Variants in MSRA observed in about 807,000 individuals in gnomAD.
MSRA encodes the protein mitochondrial peptide methionine sulfoxide reductase.
In MSRA, 54 loss-of-function variants were observed where a neutral mutation model predicts 31.3. The observed-to-expected ratio is 1.73, with a 90% confidence interval of 1.39 to 2.17. The LOEUF is 2.17. Ranked by LOEUF, MSRA falls within the 30% of genes most tolerant of loss-of-function variation. MSRA has a pLI of 0.00. For missense variants in MSRA, 507 were observed against 300.9 expected (o/e 1.69, Z -5.07); for synonymous variants, 169 against 116.5 (o/e 1.45, Z -2.90).
intron 1 of MSRA, among the ~76,000 whole-genome samples, chr8:10,153,014 A>G (rs1442410566): frequency 6.6e-6 from 1 of 152,168 alleles, no homozygotes; most frequent in East Asian, 1.9e-4. Flanking sequence ...AGAAGAGGGG[A>G]TGAAGAGCTG....
At chr8:10,313,391 G>T (rs1166711012) in intron 4 of MSRA, among the ~76,000 whole-genome samples, 3 of 151,468 alleles carry the variant, frequency 2.0e-5, no homozygotes, top group Admixed American at 6.6e-5. Flanking sequence ...CTTCTATTAT[G>T]TCCACCCACT....
chr8:10,299,309 C>A (rs1173323085), intron 3 of MSRA, among the ~76,000 whole-genome samples: 1 of 151,956 alleles, frequency 6.6e-6, no homozygotes, highest in African/African-American at 2.4e-5. Context: ...AACATATTAC[C>A]ATTTTTAATA....
At chr8:10,367,373 A>G (rs900960980) in intron 5 of MSRA, among the ~76,000 whole-genome samples, 3 of 152,254 alleles carry the variant, frequency 2.0e-5, no homozygotes, top group Non-Finnish European at 1.5e-5. Context: ...ATTTATAAAT[A>G]AAACTTTAAC....
chr8:10,400,670 C>T (rs922584384), intron 5 of MSRA, among the ~76,000 whole-genome samples: 3 of 152,066 alleles, frequency 2.0e-5, no homozygotes, highest in African/African-American at 7.2e-5. Flanking sequence ...GGAGGAGAAG[C>T]ATAATGGGTA....
chr8:10,236,783 T>TGATC (rs2129076404), intron 2 of MSRA, among the ~76,000 whole-genome samples: 1 of 152,296 alleles, frequency 6.6e-6, no homozygotes, highest in East Asian at 1.9e-4. Flanking sequence ...TGACATCAGG[T>TGATC]GATCTGGCTG....
intron 3 of MSRA, among the ~76,000 whole-genome samples, chr8:10,298,630 A>C (rs532593267): frequency 9.7e-5 from 11 of 113,224 alleles, no homozygotes; most frequent in African/African-American, 4.2e-4. Context: ...AAATAGGAAA[A>C]AAATCATGAG....
chr8:10,074,179 T>C (rs370096612), intron 1 of MSRA, among the ~76,000 whole-genome samples: 1 of 147,742 alleles, frequency 6.8e-6, no homozygotes, highest in East Asian at 2.1e-4. Context: ...GCCTCCAGGG[T>C]TCATACCATT....
chr8:10,135,768 A>C (rs1802226659), intron 1 of MSRA, among the ~76,000 whole-genome samples: 1 of 152,220 alleles, frequency 6.6e-6, no homozygotes, highest in Non-Finnish European at 1.5e-5. Context: ...AGCCCAGCAC[A>C]TGTTTGCATA....
rs1173793207 is a variant in MSRA at position 10,143,278 on chromosome 8, AAG to A, written c.143-64550_143-64549del. Among the ~76,000 whole-genome samples the A allele has an allele frequency of 3.3e-5, 5 of 152,250 alleles. No individual in the cohort carries two copies. The South Asian group carries it at 8.3e-4, about 25-fold the overall frequency. On this transcript the variant is annotated intron_variant, in intron 1 of 5. Transcript: ENST00000317173. ...AAGTGAAGAGGGAGTGTTTAGAAAA[AAG>A]AGAGGGAGGCTGATACCCGTTGAAA...
At chr8:10,253,048 C>T (rs1797998872) in intron 3 of MSRA, among the ~76,000 whole-genome samples, 1 of 152,172 alleles carries the variant, frequency 6.6e-6, no homozygotes, top group African/African-American at 2.4e-5. Flanking sequence ...TTATTTAAAT[C>T]CAGCATTAGA....
chr8:10,394,559 G>C (rs1242454082), intron 5 of MSRA, among the ~76,000 whole-genome samples: 5 of 152,236 alleles, frequency 3.3e-5, no homozygotes, highest in African/African-American at 4.8e-5. Context: ...AGCTCTGTCA[G>C]ATTGACAGAA....
intron 1 of MSRA, among the ~76,000 whole-genome samples, chr8:10,140,516 G>A (rs930834989): frequency 6.6e-6 from 1 of 152,078 alleles, no homozygotes; most frequent in African/African-American, 2.4e-5. Context: ...GAATTTGATG[G>A]CCTATAATAA....
chr8:10,222,086 T>G (rs535150209), intron 2 of MSRA, among the ~76,000 whole-genome samples: 1 of 152,196 alleles, frequency 6.6e-6, no homozygotes, highest in East Asian at 1.9e-4. Flanking sequence ...GTGACTTTTT[T>G]TTTTTTAAAG....
intron 1 of MSRA, among the ~76,000 whole-genome samples, chr8:10,121,398 A>C (rs574240355): frequency 2.0e-5 from 3 of 152,190 alleles, no homozygotes; most frequent in Non-Finnish European, 4.4e-5. Flanking sequence ...CACCTACCTA[A>C]ACAACTGTGC....
chr8:10,166,170 G>T (rs1474568302), intron 1 of MSRA, among the ~76,000 whole-genome samples: 1 of 152,180 alleles, frequency 6.6e-6, no homozygotes, highest in African/African-American at 2.4e-5. Context: ...TGAGGTGGGT[G>T]GGTATGGTAG....
intron 1 of MSRA, among the ~76,000 whole-genome samples, chr8:10,194,351 G>A (rs879311941): frequency 6.6e-6 from 1 of 152,142 alleles, no homozygotes; most frequent in Non-Finnish European, 1.5e-5. Flanking sequence ...TGGATCACTT[G>A]AGGTCAGGAG....
intron 5 of MSRA, chr8:10,337,881 A>G (rs765972782): frequency 1.4e-4 from 94 of 693,798 alleles, no homozygotes; most frequent in Non-Finnish European, 2.0e-4. Context: ...TCACAAATGC[A>G]CACATTCTTT....
chr8:10,153,107 C>G (rs77913353), intron 1 of MSRA, among the ~76,000 whole-genome samples: 1 of 152,010 alleles, frequency 6.6e-6, no homozygotes, highest in African/African-American at 2.4e-5. Flanking sequence ...ATGTACTTAC[C>G]ACTACTGAGC....
intron 1 of MSRA, among the ~76,000 whole-genome samples, chr8:10,161,610 T>A (rs1804650534): frequency 6.6e-6 from 1 of 152,238 alleles, no homozygotes; most frequent in African/African-American, 2.4e-5. Flanking sequence ...CAAATGGTGA[T>A]ACTGAAAGTC....
Sources: gnomAD v4.1 joint callset for allele counts (sites outside exome capture counted in the v4.1 genomes callset) on GRCh38, gnomAD v4.1.1 for gene constraint, MANE v1.5 for transcripts, NCBI Gene and HGNC (gene_info 2026-07-23, HGNC 2026-07-21) for gene names.